The following FRA10AC1 variants were observed in gnomAD, a reference collection of about 807,000 sequenced individuals.
The protein encoded by FRA10AC1 is FRA10A associated CGG repeat 1, also known as protein FRA10AC1.
Under a neutral mutation model 56.5 loss-of-function variants are expected in FRA10AC1, and 43 were observed. The observed-to-expected ratio is 0.76, with a 90% confidence interval of 0.60 to 0.98. FRA10AC1 has a LOEUF of 0.98. Among genes scored for constraint, FRA10AC1 ranks in the 50% least tolerant of loss-of-function variants. The pLI, the probability that FRA10AC1 is intolerant of heterozygous loss-of-function variation, is 0.00. For missense variants in FRA10AC1, 346 were observed against 351.8 expected, an observed-to-expected ratio of 0.98 and a Z score of 0.13; for synonymous variants, 112 against 110.5, an observed-to-expected ratio of 1.01 and a Z score of -0.09.
intron 13 of FRA10AC1, among the ~76,000 whole-genome samples, chr10:93,670,224 A>T (rs954205767): frequency 6.6e-6 from 1 of 152,156 alleles, no homozygotes; most frequent in Non-Finnish European, 1.5e-5. Flanking sequence ...CTGCTCAAGA[A>T]GTGAATAAAA....
chr10:93,676,711 G>T lies in FRA10AC1; in HGVS notation c.788-20C>A. 1 of 1,559,616 alleles carries T rather than the reference G, an allele frequency of 6.4e-7. No individual in the cohort carries two copies. The highest frequency in any genetic ancestry group is 1.2e-5 in the South Asian group (1 of 82,466). On this transcript the variant is annotated intron_variant, in intron 11 of 13. Transcript: ENST00000359204. The stretch of plus-strand genomic sequence containing the variant: ...AATGTCCTGAAAAGGAAACATCATT[G>T]ATTTATTAACTATCATCTTGTAATA...
intron 7 of FRA10AC1, among the ~76,000 whole-genome samples, chr10:93,690,025 G>C (rs2059100522): frequency 6.6e-6 from 1 of 152,074 alleles, no homozygotes; most frequent in Admixed American, 6.6e-5. Context: ...ATAAAGAAAG[G>C]AATAGGAGTA....
rs192209716 is a variant in FRA10AC1 at position 93,673,295 on chromosome 10, C to T, written c.827-2447G>A. 594 of 456,294 alleles carry T rather than the reference C, an allele frequency of 1.3e-3. 4 individuals carry two copies. Among genetic ancestry groups the T allele is most frequent in the African/African-American group, 0.01 (512 of 50,180 alleles). 28.3% of individuals were successfully genotyped at this position (456,294 alleles called of 1,614,324 possible). ...CTTGCAAATATCCATACAGTAATTTCCATGTCTACTTCCTCACCTCTTCCC... is the reference window on the plus strand; with the variant it reads ...CTTGCAAATATCCATACAGTAATTTTCATGTCTACTTCCTCACCTCTTCCC... On this transcript the variant is annotated intron_variant, in intron 12 of 13. Transcript: ENST00000359204.
intron 12 of FRA10AC1, 144 bp downstream of exon 12, chr10:93,676,509 T>C (rs1368585113): frequency 1.0e-5 from 13 of 1,285,382 alleles, no homozygotes; most frequent in Non-Finnish European, 1.2e-5. Context: ...ACTTTTGGCC[T>C]TTTTTCTACA....
At chr10:93,694,747 C>G in intron 5 of FRA10AC1, 114 bp downstream of exon 5, 2 of 381,884 alleles carry the variant, frequency 5.2e-6, no homozygotes, top group Non-Finnish European at 9.4e-6. Flanking sequence ...AAAAAAAAGG[C>G]ACACCGGAAT....
chr10:93,683,976 T>C (rs1445527223), intron 10 of FRA10AC1, 80 bp downstream of exon 10: 3 of 945,736 alleles, frequency 3.2e-6, no homozygotes, highest in African/African-American at 3.3e-5. Context: ...CACCTAAGTC[T>C]ACATTTAGAT....
intron 12 of FRA10AC1, chr10:93,671,169 A>G: frequency 4.7e-6 from 1 of 214,492 alleles, no homozygotes; most frequent in Non-Finnish European, 9.5e-6. Flanking sequence ...TCTCTGATCT[A>G]GTTTCTTCTT....
At position 93,692,065 on chromosome 10, in the gene FRA10AC1, C is replaced by T; in HGVS notation, c.409G>A (p.Asp137Asn). The change falls in exon 7 of 14, where the codon GAT becomes AAT. Residue 137 changes from aspartate to asparagine, a missense_variant. Transcript: ENST00000359204. ...WEKRLAKKYYDKLFKEYCIAD... is the reference protein window; with the variant it reads ...WEKRLAKKYYNKLFKEYCIAD... The stretch of plus-strand genomic sequence containing the variant: ...ATGCAGTATTCCTTAAATAATTTAT[C>T]ATAGTATTTCTTAGCAAGTCTCTTC... The T allele has an allele frequency of 6.4e-7, 1 of 1,553,464 alleles. No individual in the cohort carries two copies. The highest frequency in any genetic ancestry group is 1.4e-5 in the African/African-American group (1 of 70,850).
chr10:93,678,460 A>G (rs1248958780), intron 11 of FRA10AC1, among the ~76,000 whole-genome samples: 1 of 152,176 alleles, frequency 6.6e-6, no homozygotes, highest in African/African-American at 2.4e-5. Flanking sequence ...GTACAGAGAG[A>G]AACTAGAGAA....
chr10:93,690,731 C>T (rs983543284), intron 7 of FRA10AC1, among the ~76,000 whole-genome samples: 39 of 152,304 alleles, frequency 2.6e-4, no homozygotes, highest in African/African-American at 8.9e-4. Context: ...ATTTACAATA[C>T]AGTAACTTTA....
chr10:93,675,708 A>AAAAAT (rs1204618672), intron 12 of FRA10AC1: 2 of 342,504 alleles, frequency 5.8e-6, no homozygotes, highest in Non-Finnish European at 1.2e-5. Context: ...CCATCTCCAA[A>AAAAAT]AAAATAAAAT....
At chr10:93,693,250 TATAGG>T (rs962875712) in intron 5 of FRA10AC1, among the ~76,000 whole-genome samples, 4 of 147,416 alleles carry the variant, frequency 2.7e-5, no homozygotes, top group Non-Finnish European at 6.0e-5. Flanking sequence ...TGTTGGGAGA[TATAGG>T]ATAAATTGAT....
At chr10:93,702,130 T>C (rs890781218) in intron 1 of FRA10AC1, among the ~76,000 whole-genome samples, 1 of 151,724 alleles carries the variant, frequency 6.6e-6, no homozygotes, top group Non-Finnish European at 1.5e-5. Context: ...ATCCGACCCA[T>C]ACCTATCTTA....
chr10:93,693,485 T>TATATATATATATATATATATACACC (rs2059160129), intron 5 of FRA10AC1, among the ~76,000 whole-genome samples: 1 of 15,710 alleles, frequency 6.4e-5, no homozygotes, highest in Non-Finnish European at 2.6e-4. Flanking sequence ...TGTGTGTGTA[T>TATATATATATATATATATATACACC]ATATATATAT....
rs2059158191 is a variant in FRA10AC1, at chr10:93,693,471, G to T, written c.297-742C>A. Reference sequence around the variant, plus strand: ...CAACCAATGAGTGGATAAAGAAAATGTGGTGTGTGTGTATATATATATATA... The same window carrying T: ...CAACCAATGAGTGGATAAAGAAAATTTGGTGTGTGTGTATATATATATATA... On this transcript the variant is annotated intron_variant, in intron 5 of 13. Coordinates refer to ENST00000359204, the MANE Select transcript of FRA10AC1 (RefSeq NM_145246.5). Among the ~76,000 whole-genome samples, 4 of 96,658 alleles carry T rather than the reference G, an allele frequency of 4.1e-5. No individual in the cohort carries two copies. The South Asian group carries it at 1.6e-3, about 38-fold the overall frequency. The allele number at this position is 96,658 out of a possible 152,430, so 63.4% of individuals were successfully genotyped here.
At chr10:93,699,140 G>C (rs10882310) in intron 2 of FRA10AC1, among the ~76,000 whole-genome samples, 1 of 152,130 alleles carries the variant, frequency 6.6e-6, no homozygotes, top group East Asian at 1.9e-4. Flanking sequence ...TCCTGGAGCA[G>C]AGTATCCAAC....
chr10:93,698,215 A>C (rs1564822653), intron 3 of FRA10AC1, 34 bp from the exon 4 acceptor site: 1 of 1,521,070 alleles, frequency 6.6e-7, no homozygotes, highest in Non-Finnish European at 9.0e-7. Flanking sequence ...AAAATTCAAA[A>C]TGTTTATATT....
At position 93,685,279 on chromosome 10, in the gene FRA10AC1, G is replaced by A. The variant is rs149181398; in HGVS notation, c.592C>T (p.His198Tyr). 6.4e-7 allele frequency: 1 copy of A among 1,568,210 alleles called. No homozygotes were observed. The highest frequency in any genetic ancestry group is 8.8e-7 in the Non-Finnish European group (1 of 1,140,534). Residue 198 changes from histidine (H) to tyrosine (Y), a missense_variant, in exon 9 of 14, where the codon CAT (histidine) becomes TAT (tyrosine). Transcript: ENST00000359204. ...ACAAGTGCATTTCTCTTCTCACCAT[G>A]CTCAATATAACCAAAATTAACTTCC... ...SWEVNFGYIE[H>Y]GEKRNALVKL...
chr10:93,684,166 C>A, intron 9 of FRA10AC1, 68 bp from the exon 10 acceptor site: 1 of 1,120,142 alleles, frequency 8.9e-7, no homozygotes, highest in South Asian at 1.3e-5. Flanking sequence ...CTTTTAATAT[C>A]ATAAATTCGC....
Sources: allele counts gnomAD v4.1 joint callset (sites outside exome capture counted in the v4.1 genomes callset), GRCh38; gene constraint gnomAD v4.1.1; transcripts MANE v1.5; gene names NCBI Gene and HGNC (gene_info 2026-07-23, HGNC 2026-07-21).